COL18A1: variants seen among roughly 807,000 people sequenced by gnomAD.
COL18A1 encodes collagen type XVIII alpha 1 chain.
A neutral mutation model predicts 168.0 loss-of-function variants in COL18A1; 133 were observed. That is an observed-to-expected ratio of 0.79 (90% confidence interval 0.69 to 0.91). COL18A1 has a LOEUF of 0.91. Ranked by LOEUF, COL18A1 falls within the 40% of genes least tolerant of loss-of-function variation. The probability of loss-of-function intolerance (pLI) is 0.00; values close to 1 mark genes in which losing one functional copy is unlikely to be tolerated. For missense variants in COL18A1, 2,126 were observed against 1,925.4 expected (o/e 1.10, Z -1.95); for synonymous variants, 949 against 809.0 (o/e 1.17, Z -2.94).
intron 2 of COL18A1, among the ~76,000 whole-genome samples, chr21:45,435,386 T>C (rs895056234): frequency 1.3e-5 from 2 of 150,644 alleles, no homozygotes; most frequent in African/African-American, 4.9e-5. Flanking sequence ...GTTTGGTCCA[T>C]GGGTGGGTTG....
intron 2 of COL18A1, among the ~76,000 whole-genome samples, chr21:45,433,509 C>T (rs899585121): frequency 6.6e-6 from 1 of 152,180 alleles, no homozygotes; most frequent in African/African-American, 2.4e-5. Context: ...CGGGTGGATT[C>T]AGGTTGATCC....
intron 24 of COL18A1, 35 bp from the exon 25 acceptor site, chr21:45,493,128 G>T (rs766289963): frequency 1.3e-6 from 2 of 1,546,610 alleles, no homozygotes; most frequent in South Asian, 2.4e-5. Flanking sequence ...GGAGATGCCA[G>T]CCGCTCGGGC....
Position 45,510,161 on chromosome 21 carries a change from T to C in COL18A1, c.3593T>C (p.Leu1198Pro), listed in dbSNP as rs1291336662. The change falls in exon 40 of 42, where the codon CTG becomes CCG. Residue 1198 changes from leucine to proline, a missense_variant. Leu to Pro is a moderately conservative substitution (Grantham distance 98, BLOSUM62 -3). Transcript: ENST00000651438. ...TTCCAGCAGGCGCGGGCCGTGGGGC[T>C]GGCGGGCACCTTCCGCGCCTTCCTG... is the stretch of plus-strand genomic sequence containing the variant. ...QCFQQARAVG[L>P]AGTFRAFLSS... 6.3e-6 allele frequency: 10 copies of C among 1,597,268 alleles called. No homozygotes were observed. The highest frequency in any genetic ancestry group is 8.5e-6 in the Non-Finnish European group (10 of 1,173,002).
At chr21:45,503,816 AAAAAT>A (rs1219201946) in intron 32 of COL18A1, 190 bp from the exon 33 acceptor site, 1 of 374,314 alleles carries the variant, frequency 2.7e-6, no homozygotes, top group Admixed American at 4.4e-5. Context: ...AAAATAAAAT[AAAAAT>A]AAAAAGGCAC....
chr21:45,448,399 G>C (rs2034548452), intron 2 of COL18A1, among the ~76,000 whole-genome samples: 1 of 152,168 alleles, frequency 6.6e-6, no homozygotes, highest in African/African-American at 2.4e-5. Flanking sequence ...GCATATCCAT[G>C]TGTGCACATG....
rs139729932 is a variant in COL18A1, at chr21:45,477,709, G to A, written c.1006-41G>A. The A allele has an allele frequency of 3.8e-4, 566 of 1,500,008 alleles. 6 individuals are homozygous for A. In the East Asian group the frequency reaches 0.013, roughly 35 times the overall value. The allele number at this position is 1,500,008 out of a possible 1,614,324, so 92.9% of individuals were successfully genotyped here. On this transcript the variant is annotated intron_variant, in intron 7 of 41. Transcript: ENST00000651438. ...GGGACACGTGGGCAGGGTGTGTGGG[G>A]CCCCACCCCAGCCCGAGCCCTGTGT...
At chr21:45,482,450 T>G in intron 14 of COL18A1, 1 of 563,504 alleles carries the variant, frequency 1.8e-6, no homozygotes, top group Admixed American at 2.7e-5. Context: ...GCTGCACTGC[T>G]TTGGACTGAG....
chr21:45,482,433 G>A, intron 14 of COL18A1: 1 of 577,814 alleles, frequency 1.7e-6, no homozygotes, highest in Non-Finnish European at 3.2e-6. Flanking sequence ...CATGACCTCA[G>A]ATGAGAGCTG....
In COL18A1 at chr21:45,476,466, T is replaced by C. The variant is rs773230529; in HGVS notation, c.914T>C (p.Val305Ala). The C allele has an allele frequency of 5.6e-6, 9 of 1,610,336 alleles. No homozygotes were observed. In the African/African-American group the frequency reaches 9.4e-5, roughly 17 times the overall value. Residue 305 changes from valine to alanine, a missense_variant, in exon 6 of 42, where the codon GTG becomes GCG. Physicochemically the swap from Val to Ala is moderately conservative, Grantham distance 64 (BLOSUM62 0). Coordinates refer to ENST00000651438, the MANE Select transcript of COL18A1 (RefSeq NM_001379500.1). Reference protein sequence around the residue: ...RSEEVEEQTTVASLGAQTLPG... With the variant: ...RSEEVEEQTTAASLGAQTLPG... The stretch of plus-strand genomic sequence containing the variant: ...GAAGAAGTCGAGGAGCAGACCACGG[T>C]GGCTTCGTTAGGAGGTAAGCTCTTT...
intron 2 of COL18A1, among the ~76,000 whole-genome samples, chr21:45,446,064 G>A (rs560719803): frequency 6.6e-6 from 1 of 152,094 alleles, no homozygotes; most frequent in South Asian, 2.1e-4. Context: ...TTTTATTTTA[G>A]CTCTTTTATT....
chr21:45,479,817 C>T, intron 9 of COL18A1, 85 bp from the exon 10 acceptor site: 1 of 1,585,146 alleles, frequency 6.3e-7, no homozygotes, highest in Non-Finnish European at 8.6e-7. Flanking sequence ...CGTCCGTCCC[C>T]TGCTTGGGGG....
rs183263882 is a variant in COL18A1 at position 45,457,641 on chromosome 21, G to C, written c.107-10601G>C. Among the ~76,000 whole-genome samples the C allele has an allele frequency of 1.5e-3, 221 of 152,292 alleles. 1 individual carries two copies. The highest frequency in any genetic ancestry group is 6.8e-3 in the Middle Eastern group (2 of 294). ...CCCAGCAGATCCCTCCTCTGTGTCCGGGAGTAGACGGGGCCCCTGAGCTGT... is the reference window on the plus strand; with the variant it reads ...CCCAGCAGATCCCTCCTCTGTGTCCCGGAGTAGACGGGGCCCCTGAGCTGT... On this transcript the variant is annotated intron_variant, in intron 2 of 41. Coordinates refer to ENST00000651438, the MANE Select transcript of COL18A1 (RefSeq NM_001379500.1). This position sits in a 1 kb window ranked among gnomAD's most constrained non-coding sequence, Gnocchi z 4.6.
intron 2 of COL18A1, among the ~76,000 whole-genome samples, chr21:45,452,886 ATG>A (rs1011774933): frequency 4.7e-4 from 72 of 151,688 alleles, no homozygotes; most frequent in African/African-American, 1.6e-3. Flanking sequence ...GAGTATTCAC[ATG>A]TGACATGTGA....
intron 2 of COL18A1, among the ~76,000 whole-genome samples, chr21:45,467,604 G>A (rs1030374012): frequency 1.3e-5 from 2 of 152,222 alleles, no homozygotes; most frequent in Non-Finnish European, 2.9e-5. Flanking sequence ...TGGAACCCCA[G>A]CTGAGGCAGC....
intron 2 of COL18A1, among the ~76,000 whole-genome samples, chr21:45,445,266 C>T (rs559263181): frequency 1.3e-5 from 2 of 152,312 alleles, no homozygotes; most frequent in African/African-American, 2.4e-5. Flanking sequence ...CGGGTTCGTC[C>T]GTGTTGCACC....
chr21:45,489,565 A>G, intron 19 of COL18A1, 44 bp downstream of exon 19: 2 of 1,449,016 alleles, frequency 1.4e-6, no homozygotes, highest in East Asian at 2.4e-5. Context: ...AGGCAGAGGC[A>G]GGGAGGGCCC....
chr21:45,472,062 G>A lies in COL18A1; in HGVS notation c.652-1833G>A, dbSNP rs190231005. Among the ~76,000 whole-genome samples the A allele has an allele frequency of 6.2e-3, 937 of 152,236 alleles. 4 individuals are homozygous for A. The highest frequency in any genetic ancestry group is 9.8e-3 in the Non-Finnish European group (666 of 68,002). ...CCCTCGGGGGCACTCTCAGGAGAGC[G>A]CTGTGGCCACCTGTGGGGGGGTCAG... On this transcript the variant is annotated intron_variant, in intron 3 of 41. Coordinates refer to ENST00000651438, the MANE Select transcript of COL18A1 (RefSeq NM_001379500.1).
At chr21:45,419,323 G>C (rs1197684163) in intron 2 of COL18A1, among the ~76,000 whole-genome samples, 1 of 152,012 alleles carries the variant, frequency 6.6e-6, no homozygotes, top group African/African-American at 2.4e-5. Context: ...GCAATGCCGT[G>C]TAGTTACATG....
At chr21:45,480,029 G>A in intron 10 of COL18A1, 41 bp from the exon 11 acceptor site, 5 of 1,611,934 alleles carry the variant, frequency 3.1e-6, no homozygotes, top group Non-Finnish European at 3.4e-6. Flanking sequence ...TGGGGGCTGT[G>A]TGCGTGCCCA....
Sources: gnomAD v4.1 joint callset for allele counts (sites outside exome capture counted in the v4.1 genomes callset) on GRCh38, gnomAD v4.1.1 for gene constraint, Gnocchi (gnomAD v3.1) non-coding constraint, MANE v1.5 for transcripts, NCBI Gene and HGNC (gene_info 2026-07-23, HGNC 2026-07-21) for gene names.